PLEKHA8: variants seen among roughly 807,000 people sequenced by gnomAD.
PLEKHA8 encodes the protein pleckstrin homology domain containing A8.
A neutral mutation model predicts 68.2 loss-of-function variants in PLEKHA8; 36 were observed. The ratio of observed to expected loss-of-function variants is 0.53; its 90% CI spans 0.40 to 0.70. The LOEUF (loss-of-function observed/expected upper bound fraction) is 0.70. Among genes scored for constraint, PLEKHA8 ranks in the 30% least tolerant of loss-of-function variants. The pLI, the probability that PLEKHA8 is intolerant of heterozygous loss-of-function variation, is 0.00. For missense variants in PLEKHA8, 505 were observed against 615.4 expected, an observed-to-expected ratio of 0.82 and a Z score of 1.90; for synonymous variants, 211 against 216.1, an observed-to-expected ratio of 0.98 and a Z score of 0.20.
At chr7:30,086,322 A>T (rs1406735384), downstream of PLEKHA8, among the ~76,000 whole-genome samples, 5 of 152,168 alleles carry the variant, frequency 3.3e-5, no homozygotes, top group Non-Finnish European at 7.4e-5. Flanking sequence ...AATCTAAAAC[A>T]TCAATACCGC....
chr7:30,100,784 A>G lies in PLEKHA8; in HGVS notation c.1362+26652A>G, dbSNP rs576692850. 9.2e-5 allele frequency among the ~76,000 whole-genome samples: 14 copies of G among 152,318 alleles called. No individual in the cohort carries two copies. In the South Asian group the frequency reaches 2.5e-3, roughly 27 times the overall value. On this transcript the variant is annotated intron_variant, in intron 13 of 13. Transcript: ENST00000396257. ...ATAAAAGGTATACAGATTGAAAAGG[A>G]AGAAATAAAAACTACTTGCAAATGA... is the stretch of plus-strand genomic sequence containing the variant.
chr7:30,128,017 C>T (rs1352624712), intron 13 of PLEKHA8, among the ~76,000 whole-genome samples: 1 of 151,106 alleles, frequency 6.6e-6, no homozygotes, highest in Non-Finnish European at 1.5e-5. Context: ...TATATTTTCC[C>T]ATTTCTTTGC....
In PLEKHA8 at chr7:30,108,086, A is replaced by C. The variant is rs545085399; in HGVS notation, c.1363-21180A>C. The stretch of plus-strand genomic sequence containing the variant: ...CCATCTCAAAAAAAAAAAAAAAAAA[A>C]AAAAAACCTACATTCATTGACATGA... On this transcript the variant is annotated intron_variant, in intron 13 of 13. Transcript: ENST00000396257. Among the ~76,000 whole-genome samples, 49 of 151,376 alleles carry C rather than the reference A, an allele frequency of 3.2e-4. No homozygotes were observed. The East Asian group carries it at 4.7e-3, about 14-fold the overall frequency.
chr7:30,074,949 A>C, intron 13 of PLEKHA8: 1 of 152,142 alleles, frequency 6.6e-6, no homozygotes, highest in East Asian at 1.9e-4. Flanking sequence ...TGTCAGCAAT[A>C]CACTCTGTGA....
chr7:30,045,257 C>A, intron 2 of PLEKHA8, 56 bp downstream of exon 2: 3 of 1,360,186 alleles, frequency 2.2e-6, no homozygotes, highest in Admixed American at 1.9e-5. Flanking sequence ...CCCTCAAAAA[C>A]AAAAAAGCCC....
At chr7:30,072,024 C>G (rs1399717654) in intron 12 of PLEKHA8, 1 of 152,168 alleles carries the variant, frequency 6.6e-6, no homozygotes, top group Non-Finnish European at 1.5e-5. Context: ...CTGAAATTTC[C>G]CTGATGCCAT....
At chr7:30,056,781 GTGTGTATA>G (rs1224516828) in intron 9 of PLEKHA8, among the ~76,000 whole-genome samples, 29 of 86,102 alleles carry the variant, frequency 3.4e-4, no homozygotes, top group Non-Finnish European at 5.9e-4. Context: ...GTGTGTGTGT[GTGTGTATA>G]TATATATGTT....
intron 13 of PLEKHA8, among the ~76,000 whole-genome samples, chr7:30,109,569 C>T (rs1353965001): frequency 9.6e-6 from 1 of 103,718 alleles, no homozygotes; most frequent in East Asian, 3.2e-4. Flanking sequence ...GCCTGGGCAA[C>T]GAGTGAAACT....
chr7:30,031,256 G>A (rs983957199), intron 1 of PLEKHA8, among the ~76,000 whole-genome samples: 19 of 152,222 alleles, frequency 1.2e-4, no homozygotes, highest in Non-Finnish European at 1.9e-4. Flanking sequence ...TTAGAACCAT[G>A]TTTCATTGTG....
At chr7:30,046,053 A>G (rs1791930427) in intron 2 of PLEKHA8, among the ~76,000 whole-genome samples, 157 bp from the exon 3 acceptor site, 1 of 152,256 alleles carries the variant, frequency 6.6e-6, no homozygotes, top group Non-Finnish European at 1.5e-5. Context: ...ATAAGTAAAC[A>G]GAACTTTGTG....
At chr7:30,067,822 T>C (rs1426397591) in intron 12 of PLEKHA8, among the ~76,000 whole-genome samples, 1 of 152,264 alleles carries the variant, frequency 6.6e-6, no homozygotes, top group African/African-American at 2.4e-5. Flanking sequence ...TTTTCCTTGC[T>C]GTTTAGCATT....
At chr7:30,054,945 G>A (rs1792718400) in intron 8 of PLEKHA8, 80 bp downstream of exon 8, 1 of 1,346,474 alleles carries the variant, frequency 7.4e-7, no homozygotes, top group South Asian at 1.4e-5. Flanking sequence ...TTCCTTTCAG[G>A]TGATGGCATA....
Position 30,061,956 on chromosome 7 carries a change from G to A in PLEKHA8, c.1158G>A (p.Val386=). The change falls in exon 11 of 14, where the codon GTG becomes GTA. Residue 386 remains valine (V), a synonymous_variant. Coordinates refer to ENST00000449726, the MANE Select transcript of PLEKHA8 (RefSeq NM_001197026.2). ...AGTTTACCACTCTCCAGAAGATAGT[G>A]CTGCACGAAGTGGAGGCGGATGTAG... ...KEEFTTLQKI[V]LHEVEADVAQ... is the part of the protein sequence containing the mutation. 1 of 1,614,134 alleles carries A rather than the reference G, an allele frequency of 6.2e-7. No homozygotes were observed. The highest frequency in any genetic ancestry group is 8.5e-7 in the Non-Finnish European group (1 of 1,179,996).
At chr7:30,036,449 T>C (rs576753255) in intron 1 of PLEKHA8, among the ~76,000 whole-genome samples, 2 of 150,228 alleles carry the variant, frequency 1.3e-5, no homozygotes, top group African/African-American at 2.5e-5. Context: ...GATAGATAGA[T>C]AGATAGATAG....
At chr7:30,090,138 T>C (rs911432312) in intron 12 of PLEKHA8, 2 of 1,547,898 alleles carry the variant, frequency 1.3e-6, no homozygotes, top group Non-Finnish European at 1.7e-6. Context: ...ATTAAAAGAG[T>C]GCACTATGTT....
chr7:30,118,791 A>T (rs866113803), intron 13 of PLEKHA8, among the ~76,000 whole-genome samples: 1 of 151,802 alleles, frequency 6.6e-6, no homozygotes, highest in East Asian at 1.9e-4. Context: ...GTTAGCCAGG[A>T]TGATCTCGAT....
chr7:30,093,310 C>A (rs1795487285), downstream of PLEKHA8, among the ~76,000 whole-genome samples: 1 of 152,214 alleles, frequency 6.6e-6, no homozygotes, highest in Non-Finnish European at 1.5e-5. Flanking sequence ...TCACTTAACC[C>A]TGAGAGTAGC....
At chr7:30,123,708 A>G (rs1445270183) in intron 13 of PLEKHA8, among the ~76,000 whole-genome samples, 1 of 152,210 alleles carries the variant, frequency 6.6e-6, no homozygotes, top group East Asian at 1.9e-4. Flanking sequence ...GCATGAGAAG[A>G]CAGCCTGCTG....
intron 1 of PLEKHA8, among the ~76,000 whole-genome samples, chr7:30,036,881 A>G (rs1791141091): frequency 6.6e-6 from 1 of 152,186 alleles, no homozygotes; most frequent in Non-Finnish European, 1.5e-5. Context: ...TGCTTGGGTA[A>G]CTGTTACAAT....
Sources: gnomAD v4.1 joint callset for allele counts (sites outside exome capture counted in the v4.1 genomes callset) on GRCh38, gnomAD v4.1.1 for gene constraint, MANE v1.5 for transcripts, NCBI Gene and HGNC (gene_info 2026-07-23, HGNC 2026-07-21) for gene names.